LRP1B: variants seen among roughly 807,000 people sequenced by gnomAD.
The protein encoded by LRP1B is low-density lipoprotein receptor-related protein 1B.
Under a neutral mutation model 556.6 loss-of-function variants are expected in LRP1B, and 217 were observed. The observed-to-expected ratio is 0.39, with a 90% CI of 0.35 to 0.44. LRP1B has a LOEUF of 0.44. Ranked by LOEUF, LRP1B falls within the 20% of genes least tolerant of loss-of-function variation. LRP1B has a pLI of 1.00. For missense variants in LRP1B, 5,053 were observed against 5,620.8 expected (o/e 0.90, Z 3.23); for synonymous variants, 2,047 against 1,865.8 (o/e 1.10, Z -2.50).
chr2:141,128,584 G>C (rs551747143), intron 7 of LRP1B, among the ~76,000 whole-genome samples: 29 of 152,228 alleles, frequency 1.9e-4, no homozygotes, highest in Non-Finnish European at 4.1e-4. Context: ...GTAAAGTAAA[G>C]CAGGACTAGA....
intron 3 of LRP1B, among the ~76,000 whole-genome samples, chr2:141,422,536 G>T (rs947128761): frequency 1.3e-5 from 2 of 152,046 alleles, no homozygotes; most frequent in African/African-American, 4.8e-5. Context: ...GTTATAAGAA[G>T]ACTGATGAAA....
intron 2 of LRP1B, among the ~76,000 whole-genome samples, chr2:141,780,423 T>G (rs147850012): frequency 1.3e-4 from 20 of 152,028 alleles, no homozygotes; most frequent in African/African-American, 4.8e-4. Flanking sequence ...ACTACAATAC[T>G]CCCCCAACAA....
intron 1 of LRP1B, among the ~76,000 whole-genome samples, chr2:142,013,455 A>T (rs1295143590): frequency 6.6e-6 from 1 of 152,148 alleles, no homozygotes; most frequent in African/African-American, 2.4e-5. Flanking sequence ...GAGTCAGGAT[A>T]AAGTGATAAC....
intron 87 of LRP1B, among the ~76,000 whole-genome samples, chr2:140,239,970 A>C (rs182392531): frequency 6.6e-6 from 1 of 151,036 alleles, no homozygotes; most frequent in African/African-American, 2.4e-5. Flanking sequence ...TCAGGGGTCC[A>C]TGTGACAAGT....
At chr2:140,245,879 G>A (rs1240780982) in intron 87 of LRP1B, among the ~76,000 whole-genome samples, 1 of 151,266 alleles carries the variant, frequency 6.6e-6, no homozygotes, top group African/African-American at 2.4e-5. Flanking sequence ...GACCTAAGGA[G>A]AGCACACAAA....
chr2:141,999,989 A>G (rs1702607412), intron 1 of LRP1B, among the ~76,000 whole-genome samples: 1 of 149,108 alleles, frequency 6.7e-6, no homozygotes, highest in South Asian at 2.1e-4. Flanking sequence ...TATACTATAT[A>G]CATATAGAAA....
intron 2 of LRP1B, among the ~76,000 whole-genome samples, chr2:141,498,651 C>T (rs1189745501): frequency 6.6e-6 from 1 of 152,062 alleles, no homozygotes; most frequent in Non-Finnish European, 1.5e-5. Flanking sequence ...TCCCCCAGCC[C>T]CCATCCTGCA....
chr2:141,176,375 T>C (rs1469679618), intron 7 of LRP1B, among the ~76,000 whole-genome samples: 1 of 152,110 alleles, frequency 6.6e-6, no homozygotes, highest in Non-Finnish European at 1.5e-5. Flanking sequence ...TGAGGGAAGA[T>C]TTCCCCTTTT....
intron 1 of LRP1B, among the ~76,000 whole-genome samples, chr2:142,110,989 C>G (rs908220579): frequency 7.2e-5 from 11 of 152,100 alleles, no homozygotes; most frequent in Admixed American, 3.3e-4. Context: ...AAATAGAATG[C>G]AATGTGGATG....
chr2:141,376,561 G>A (rs1230666247), intron 3 of LRP1B, among the ~76,000 whole-genome samples: 1 of 152,146 alleles, frequency 6.6e-6, no homozygotes, highest in African/African-American at 2.4e-5. Flanking sequence ...CATCTAGTAA[G>A]TCATCTTGAT....
chr2:141,346,135 TG>T (rs1428061584), intron 3 of LRP1B, among the ~76,000 whole-genome samples: 6 of 152,156 alleles, frequency 3.9e-5, no homozygotes, highest in Admixed American at 1.3e-4. Flanking sequence ...TTTTCTTCCA[TG>T]TTTTGTTTGT....
intron 20 of LRP1B, among the ~76,000 whole-genome samples, chr2:140,935,942 A>G (rs1304774372): frequency 6.6e-6 from 1 of 151,916 alleles, no homozygotes; most frequent in African/African-American, 2.4e-5. Context: ...ATATATACAC[A>G]CACACATATA....
chr2:141,761,876 C>T (rs574869055), intron 2 of LRP1B, among the ~76,000 whole-genome samples: 34 of 152,282 alleles, frequency 2.2e-4, no homozygotes, highest in African/African-American at 7.9e-4. Flanking sequence ...GCTATGTTTT[C>T]CTTCAACATT....
intron 11 of LRP1B, among the ~76,000 whole-genome samples, chr2:141,038,879 G>A (rs773536415): frequency 6.6e-6 from 1 of 151,940 alleles, no homozygotes; most frequent in Non-Finnish European, 1.5e-5. Context: ...AATTCATGCT[G>A]AATATTGGTA....
intron 53 of LRP1B, among the ~76,000 whole-genome samples, chr2:140,505,814 A>G (rs1042721477): frequency 1.3e-5 from 2 of 152,200 alleles, no homozygotes; most frequent in African/African-American, 2.4e-5. Context: ...GTTGCCTTCT[A>G]TGAGCATATA....
At chr2:141,723,256 T>C (rs1255778570) in intron 2 of LRP1B, among the ~76,000 whole-genome samples, 1 of 145,196 alleles carries the variant, frequency 6.9e-6, no homozygotes, top group African/African-American at 2.5e-5. Flanking sequence ...TCATATTGTT[T>C]CTTTTGTTTT....
chr2:142,057,835 T>C (rs1704735121), intron 1 of LRP1B, among the ~76,000 whole-genome samples: 1 of 152,116 alleles, frequency 6.6e-6, no homozygotes, highest in Non-Finnish European at 1.5e-5. Context: ...TCTCTGAAAA[T>C]TTTTAGCTAT....
In LRP1B at chr2:140,851,770, A is replaced by G. The variant is rs2105122113; in HGVS notation, c.4593T>C (p.Cys1531=). 2 of 1,604,018 alleles carry G rather than the reference A, an allele frequency of 1.2e-6. No individual in the cohort carries two copies. Reference sequence around the variant, plus strand: ...AGGGGCCTTTGCCATCATTAGCTGCACAAGGATTGGGAGCTGTAATTACAC... The same window carrying G: ...AGGGGCCTTTGCCATCATTAGCTGCGCAAGGATTGGGAGCTGTAATTACAC... ...PSRQPQAPNP[C]AANDGKGPCS... The change falls in exon 28 of 91, where the codon TGT becomes TGC. Residue 1531 remains cysteine (C), a synonymous_variant. Transcript: ENST00000389484.
At position 140,923,101 on chromosome 2, in the gene LRP1B, G is replaced by A. The variant is rs2105258779; in HGVS notation, c.3183C>T (p.His1061=). The A allele has an allele frequency of 6.2e-7, 1 of 1,612,358 alleles. No individual in the cohort carries two copies. Among genetic ancestry groups the A allele is most frequent in the East Asian group, 2.2e-5 (1 of 44,776 alleles). The part of the protein sequence containing the change: ...AGCNGNEFQC[H]PDGNCVPDLW... ...AATCAGGAACGCAATTACCATCAGG[G>A]TGGCACTGAAATTCATTTCCGTTAC... The change falls in exon 21 of 91, where the codon CAC becomes CAT. Residue 1061 remains histidine (H), a synonymous_variant. Coordinates refer to ENST00000389484, the MANE Select transcript of LRP1B (RefSeq NM_018557.3).
Sources: allele counts gnomAD v4.1 joint callset (sites outside exome capture counted in the v4.1 genomes callset), GRCh38; gene constraint gnomAD v4.1.1; transcripts MANE v1.5; gene names NCBI Gene and HGNC (gene_info 2026-07-23, HGNC 2026-07-21).